The following ZNF257 variants were observed in gnomAD, a reference collection of about 807,000 sequenced individuals.
ZNF257 encodes zinc finger protein 257, also known as bone marrow zinc finger 4.
A neutral mutation model predicts 11.9 loss-of-function variants in ZNF257; 12 were observed. The ratio of observed to expected loss-of-function variants is 1.01; its 90% CI spans 0.65 to 1.63. ZNF257 has a LOEUF of 1.63. Among genes scored for constraint, ZNF257 ranks in the 40% most tolerant of loss-of-function variants. ZNF257 has a pLI of 0.00. For missense variants in ZNF257, 580 were observed against 665.5 expected, an observed-to-expected ratio of 0.87 and a Z score of 1.41; for synonymous variants, 183 against 222.7, an observed-to-expected ratio of 0.82 and a Z score of 1.59.
chr19:22,078,040 C>T (rs62110991), intron 3 of ZNF257, among the ~76,000 whole-genome samples: 21,321 of 150,968 alleles, frequency 0.14, 1,654 homozygotes, highest in South Asian at 0.2. Context: ...GAGTTTGAGA[C>T]CGGACTGGCC....
In ZNF257 at chr19:22,089,430, ACATAATT is replaced by A; in HGVS notation, c.1687_*1del. On this transcript the variant is annotated frameshift_variant, in exon 4 of 4. Coordinates refer to ENST00000594947, the MANE Select transcript of ZNF257 (RefSeq NM_033468.4). LOFTEE classifies it high-confidence loss of function. ...GTAACCATTCCTCAAACCTTACTAA[ACATAATT>A]CATAATGGAGAAAAACCCTACAAAT... 1 of 1,607,720 alleles carries A rather than the reference ACATAATT, an allele frequency of 6.2e-7. No homozygotes were observed. The highest frequency in any genetic ancestry group is 8.5e-7 in the Non-Finnish European group (1 of 1,176,950).
At position 22,089,575 on chromosome 19, in the gene ZNF257, C is replaced by G; in HGVS notation, c.*133C>G. On this transcript the variant is annotated 3_prime_UTR_variant, in exon 4 of 4. Transcript: ENST00000594947. ...GAACGTGGCCTGGCTTTTAACAAAT[C>G]CTCAACATTTACTAAGCATAAAATA... 1.4e-6 allele frequency: 2 copies of G among 1,466,134 alleles called. No individual in the cohort carries two copies. The highest frequency in any genetic ancestry group is 1.8e-6 in the Non-Finnish European group (2 of 1,114,304). The allele number at this position is 1,466,134 out of a possible 1,614,324, so 90.8% of individuals were successfully genotyped here.
intron 1 of ZNF257, among the ~76,000 whole-genome samples, chr19:22,059,847 C>T (rs112254015): frequency 0.018 from 2,713 of 151,844 alleles, 77 homozygotes; most frequent in African/African-American, 0.063. Flanking sequence ...CTCAGCCCCC[C>T]AAGTAGCTGG....
chr19:22,053,366 C>CAAAAAAAAAAAA (rs61426953), intron 1 of ZNF257, among the ~76,000 whole-genome samples: 1 of 76,482 alleles, frequency 1.3e-5, no homozygotes, highest in African/African-American at 4.1e-5. Flanking sequence ...GACTCCGTCT[C>CAAAAAAAAAAAA]AAAAAAAAAA....
chr19:22,058,960 G>C (rs1271897106), intron 1 of ZNF257, among the ~76,000 whole-genome samples: 2 of 152,052 alleles, frequency 1.3e-5, no homozygotes, highest in African/African-American at 4.8e-5. Flanking sequence ...CTCACCCCTA[G>C]ACACTGAATC....
intron 1 of ZNF257, chr19:22,060,624 T>C (rs2021772378): frequency 6.6e-6 from 1 of 152,124 alleles, no homozygotes; most frequent in Non-Finnish European, 1.5e-5. Context: ...TAGCTGGGAT[T>C]ACAGGTGCCC....
Position 22,052,607 on chromosome 19 carries a change from C to A in ZNF257, c.-26C>A. 4 of 1,605,828 alleles carry A rather than the reference C, an allele frequency of 2.5e-6. No individual in the cohort carries two copies. The highest frequency in any genetic ancestry group is 3.4e-6 in the Non-Finnish European group (4 of 1,174,922). On this transcript the variant is annotated 5_prime_UTR_variant, in exon 1 of 4. Coordinates refer to ENST00000594947, the MANE Select transcript of ZNF257 (RefSeq NM_033468.4). Reference sequence around the variant, plus strand: ...GGTATTGGGAGATCCCCAGCTAAGACGCCAGGTCCTCCTGGAAGCCTAGAA... The same window carrying A: ...GGTATTGGGAGATCCCCAGCTAAGAAGCCAGGTCCTCCTGGAAGCCTAGAA...
At chr19:22,077,704 G>A (rs1460808410) in intron 3 of ZNF257, among the ~76,000 whole-genome samples, 1 of 151,964 alleles carries the variant, frequency 6.6e-6, no homozygotes, top group African/African-American at 2.4e-5. Context: ...TTTGACTTTT[G>A]TGAATACTAA....
intron 1 of ZNF257, among the ~76,000 whole-genome samples, chr19:22,057,099 A>G (rs1488818571): frequency 6.6e-6 from 1 of 152,210 alleles, no homozygotes; most frequent in Non-Finnish European, 1.5e-5. Flanking sequence ...AAGTGTTCAC[A>G]TATTACTAAT....
At position 22,087,519 on chromosome 19, in the gene ZNF257, A is replaced by G. The variant is rs147412239; in HGVS notation, c.227-458A>G. 5.7e-4 allele frequency: 688 copies of G among 1,210,734 alleles called. 5 individuals carry two copies. The African/African-American group carries it at 9.7e-3, about 17-fold the overall frequency. The allele number at this position is 1,210,734 out of a possible 1,614,324, so 75.0% of individuals were successfully genotyped here. A position where few individuals can be genotyped will look rare whatever the true frequency, so the allele number is the denominator to read the frequency against. On this transcript the variant is annotated intron_variant, in intron 3 of 3. Coordinates refer to ENST00000594947, the MANE Select transcript of ZNF257 (RefSeq NM_033468.4). The stretch of plus-strand genomic sequence containing the variant: ...TCAAATTGTCATTCTAAAGTATACT[A>G]TTTTTTTTCAGCATTTTATTTAATG...
intron 3 of ZNF257, among the ~76,000 whole-genome samples, chr19:22,077,778 T>G (rs1055779616): frequency 1.1e-4 from 17 of 152,168 alleles, no homozygotes; most frequent in African/African-American, 3.4e-4. Context: ...TAGATATAGA[T>G]TCATAAATGA....
chr19:22,087,898 A>T, intron 3 of ZNF257, 79 bp from the exon 4 acceptor site: 1 of 1,297,856 alleles, frequency 7.7e-7, no homozygotes, highest in South Asian at 2.3e-5. Flanking sequence ...TAGTATATAC[A>T]GTTTTATAGG....
intron 3 of ZNF257, chr19:22,087,666 T>A: frequency 1.2e-6 from 1 of 867,794 alleles, no homozygotes; most frequent in Non-Finnish European, 1.5e-6. Context: ...AAGGGCACTA[T>A]GTTATACTGA....
chr19:22,061,840 A>C (rs1472964944), intron 1 of ZNF257, among the ~76,000 whole-genome samples: 2 of 150,802 alleles, frequency 1.3e-5, no homozygotes, highest in Non-Finnish European at 2.9e-5. Context: ...GGCTTTTAAC[A>C]TAAACGATGT....
At chr19:22,056,636 C>T (rs935383151) in intron 1 of ZNF257, among the ~76,000 whole-genome samples, 3 of 151,972 alleles carry the variant, frequency 2.0e-5, no homozygotes, top group Non-Finnish European at 2.9e-5. Context: ...CTACCATGTC[C>T]GGCTAATTTT....
chr19:22,070,142 C>A (rs1008050104), intron 1 of ZNF257, among the ~76,000 whole-genome samples: 1 of 151,172 alleles, frequency 6.6e-6, no homozygotes, highest in African/African-American at 2.4e-5. Context: ...ATTTTAGGGT[C>A]TTTTTAAATT....
chr19:22,065,428 G>A (rs2021919004), intron 1 of ZNF257, among the ~76,000 whole-genome samples: 1 of 152,096 alleles, frequency 6.6e-6, no homozygotes, highest in Admixed American at 6.5e-5. Context: ...TCGAACTCCC[G>A]ACCTCAGGTG....
Position 22,089,751 on chromosome 19 carries a change from A to G in ZNF257, c.*309A>G, listed in dbSNP as rs945452680. 7 of 422,324 alleles carry G rather than the reference A, an allele frequency of 1.7e-5. No homozygotes were observed. The highest frequency in any genetic ancestry group is 2.1e-5 in the Non-Finnish European group (5 of 240,454). 26.2% of individuals were successfully genotyped at this position (422,324 alleles called of 1,614,324 possible). A position where few individuals can be genotyped will look rare whatever the true frequency, so the allele number is the denominator to read the frequency against. On this transcript the variant is annotated 3_prime_UTR_variant, in exon 4 of 4. Coordinates refer to ENST00000594947, the MANE Select transcript of ZNF257 (RefSeq NM_033468.4). ...AGGCCTTTAAAAGTTCTCAACCCTT[A>G]TTACACATAATTTATACTGGACAGA... is the stretch of plus-strand genomic sequence containing the variant.
intron 1 of ZNF257, among the ~76,000 whole-genome samples, chr19:22,062,081 G>A (rs1183095755): frequency 1.7e-5 from 2 of 117,434 alleles, no homozygotes; most frequent in Non-Finnish European, 3.7e-5. Context: ...TTTTTTTTGA[G>A]ACAGAGACTT....
Sources: allele counts gnomAD v4.1 joint callset (sites outside exome capture counted in the v4.1 genomes callset), GRCh38; gene constraint gnomAD v4.1.1; transcripts MANE v1.5; gene names NCBI Gene and HGNC (gene_info 2026-07-23, HGNC 2026-07-21).